Variants in SHPRH observed in about 807,000 individuals in gnomAD.
SHPRH encodes SNF2 histone linker PHD RING helicase.
SHPRH carries 106 observed loss-of-function variants against 202.5 expected under a neutral mutation model. That is an observed-to-expected ratio of 0.52 (90% CI 0.45 to 0.62). The LOEUF (loss-of-function observed/expected upper bound fraction) is 0.62, where lower values mean the gene tolerates loss of function less well. SHPRH is among the 20% of genes least tolerant of loss of function. The pLI is 0.00. For missense variants in SHPRH, 1,710 were observed against 2,020.0 expected (o/e 0.85, Z 2.94); for synonymous variants, 729 against 686.0 (o/e 1.06, Z -0.98).
chr6:145,958,991 C>A (rs1027354396), intron 1 of SHPRH, among the ~76,000 whole-genome samples: 1 of 152,106 alleles, frequency 6.6e-6, no homozygotes, highest in Non-Finnish European at 1.5e-5. Flanking sequence ...TGCCACTATG[C>A]CCAGCTAACT....
Position 145,895,049 on chromosome 6 carries a change from A to T in SHPRH, c.4516-72T>A, listed in dbSNP as rs1005015314. ...TAAGAACAGAATAGAAAAGCAATACAAAGTACTTTTTATTATCAAAACTAT... is the reference window on the plus strand; with the variant it reads ...TAAGAACAGAATAGAAAAGCAATACTAAGTACTTTTTATTATCAAAACTAT... On this transcript the variant is annotated intron_variant, in intron 25 of 29. Coordinates refer to ENST00000275233, the MANE Select transcript of SHPRH (RefSeq NM_001042683.3). The T allele has an allele frequency of 3.0e-6, 4 of 1,313,618 alleles. No homozygotes were observed. In the African/African-American group the frequency reaches 4.5e-5, roughly 15 times the overall value. 81.4% of individuals were successfully genotyped at this position (1,313,618 alleles called of 1,614,324 possible). A position where few individuals can be genotyped will look rare whatever the true frequency, so the allele number is the denominator to read the frequency against.
intron 25 of SHPRH, 109 bp downstream of exon 25, chr6:145,910,339 A>T: frequency 8.1e-7 from 1 of 1,231,830 alleles, no homozygotes; most frequent in Non-Finnish European, 1.2e-6. Flanking sequence ...AGTGGCGTCT[A>T]CCTATTCACT....
chr6:145,910,200 G>C (rs148699779), intron 25 of SHPRH: 8 of 382,156 alleles, frequency 2.1e-5, no homozygotes, highest in African/African-American at 6.0e-5. Context: ...GTAATTTTAA[G>C]ATGTTACATT....
downstream of SHPRH, among the ~76,000 whole-genome samples, chr6:145,860,430 A>C (rs1298172627): frequency 1.3e-5 from 2 of 152,080 alleles, no homozygotes; most frequent in Non-Finnish European, 2.9e-5. Context: ...ACTTAGAAAT[A>C]AACTCAACCA....
intron 7 of SHPRH, 73 bp from the exon 8 acceptor site, chr6:145,945,710 A>T (rs1463188552): frequency 1.4e-6 from 2 of 1,443,632 alleles, no homozygotes; most frequent in South Asian, 1.5e-5. Flanking sequence ...GGTTAATCTT[A>T]ATCTGCATGA....
In SHPRH at chr6:145,922,749, T is replaced by C. The variant is rs750026990; in HGVS notation, c.3633A>G (p.Val1211=). The change falls in exon 19 of 30, where the codon GTA becomes GTG. Residue 1211 remains valine (V), a synonymous_variant. Transcript: ENST00000275233. ...NKCQKLVREA[V]KNLEGPPSRN... ...GAGATGGAGGTCCCTCCAGGTTTTT[T>C]ACAGCCTCTCTTACTAGCTTCTGGC... 3 of 1,612,298 alleles carry C rather than the reference T, an allele frequency of 1.9e-6. No homozygotes were observed. In the East Asian group the frequency reaches 6.7e-5, roughly 36 times the overall value.
chr6:145,860,946 T>C (rs1042337263), downstream of SHPRH, among the ~76,000 whole-genome samples: 2 of 152,144 alleles, frequency 1.3e-5, no homozygotes, highest in East Asian at 3.9e-4. Context: ...AATATCCACA[T>C]GTAAAGCATG....
intron 4 of SHPRH, among the ~76,000 whole-genome samples, chr6:145,949,804 T>A (rs1354526641): frequency 6.6e-6 from 1 of 152,076 alleles, no homozygotes; most frequent in Non-Finnish European, 1.5e-5. Flanking sequence ...ACAGATGACA[T>A]TTTATTACTG....
At chr6:145,921,964 C>G (rs541370325) in intron 20 of SHPRH, among the ~76,000 whole-genome samples, 2 of 152,090 alleles carry the variant, frequency 1.3e-5, no homozygotes, top group East Asian at 3.9e-4. Context: ...ATTATGAGTT[C>G]TACCTTGAAT....
In SHPRH at chr6:145,915,779, A is replaced by G. The variant is rs534496074; in HGVS notation, c.4255-2230T>C. ...TTTTTCATTATTTTTGGTTTCCAGC[A>G]GTTTGACTATGATGTATCTAGGCAG... On this transcript the variant is annotated intron_variant, in intron 23 of 29. Coordinates refer to ENST00000275233, the MANE Select transcript of SHPRH (RefSeq NM_001042683.3). Among the ~76,000 whole-genome samples, 49 of 151,400 alleles carry G rather than the reference A, an allele frequency of 3.2e-4. 2 individuals are homozygous for G. Among genetic ancestry groups the G allele is most frequent in the South Asian group, 6.3e-4 (3 of 4,780 alleles).
intron 6 of SHPRH, among the ~76,000 whole-genome samples, chr6:145,946,766 C>T (rs1434150724): frequency 6.6e-6 from 1 of 151,690 alleles, no homozygotes; most frequent in Non-Finnish European, 1.5e-5. Flanking sequence ...ATTTTCTACT[C>T]AAATCTGAAA....
chr6:145,897,863 C>A (rs906214171), intron 25 of SHPRH, among the ~76,000 whole-genome samples: 1 of 152,012 alleles, frequency 6.6e-6, no homozygotes, highest in Non-Finnish European at 1.5e-5. Context: ...AAGGAATGTA[C>A]CTCAACACAG....
Position 145,943,655 on chromosome 6 carries a change from A to G in SHPRH, c.1726T>C (p.Leu576=), listed in dbSNP as rs763833093. 2 of 1,613,850 alleles carry G rather than the reference A, an allele frequency of 1.2e-6. No individual in the cohort carries two copies. The highest frequency in any genetic ancestry group is 1.7e-6 in the Non-Finnish European group (2 of 1,179,900). The change falls in exon 9 of 30, where the codon TTG becomes CTG. Residue 576 remains leucine, a synonymous_variant. Transcript: ENST00000275233. The part of the protein sequence containing the change: ...YYKSRRNRSK[L]RKKLVPSTKK... ...GTGGATGGAACAAGCTTTTTCCTCA[A>G]TTTACTGCGATTTCTCCTGGACTTA...
chr6:145,886,076 T>C lies in SHPRH; in HGVS notation c.*615A>G, dbSNP rs1780982677. 6.0e-6 allele frequency: 1 copy of C among 165,500 alleles called. No homozygotes were observed. Among genetic ancestry groups the C allele is most frequent in the Non-Finnish European group, 1.3e-5 (1 of 76,564 alleles). 10.3% of individuals were successfully genotyped at this position (165,500 alleles called of 1,614,324 possible). A position where few individuals can be genotyped will look rare whatever the true frequency, so the allele number is the denominator to read the frequency against. On this transcript the variant is annotated 3_prime_UTR_variant, in exon 30 of 30. Transcript: ENST00000275233. ...TTTACACATAATAGAAATATGAATA[T>C]TTTCATTGTTTTTGTTTTCAGTAGC...
chr6:145,928,744 T>A (rs530179128), intron 14 of SHPRH, among the ~76,000 whole-genome samples: 1 of 152,148 alleles, frequency 6.6e-6, no homozygotes, highest in South Asian at 2.1e-4. Flanking sequence ...ATAGCTCTTA[T>A]ACCATTGCTT....
intron 19 of SHPRH, 45 bp from the exon 20 acceptor site, chr6:145,922,393 C>T (rs1784503004): frequency 1.2e-5 from 19 of 1,525,912 alleles, no homozygotes; most frequent in South Asian, 8.7e-5. Flanking sequence ...ACATAACCAG[C>T]AATCTGGTAA....
intron 23 of SHPRH, chr6:145,917,465 G>A (rs1025263681): frequency 7.9e-5 from 12 of 152,178 alleles, no homozygotes; most frequent in African/African-American, 2.4e-4. Flanking sequence ...GAGATTTACT[G>A]ATTCACTTAA....
At chr6:145,880,879 AAG>A (rs1276766636), downstream of SHPRH, among the ~76,000 whole-genome samples, 2 of 152,130 alleles carry the variant, frequency 1.3e-5, no homozygotes, top group Non-Finnish European at 2.9e-5. Flanking sequence ...AGCATCCTAA[AAG>A]AGTTTCGAGT....
At chr6:145,873,206 G>T (rs1780135625) in intron 2 of SHPRH, among the ~76,000 whole-genome samples, 1 of 152,016 alleles carries the variant, frequency 6.6e-6, no homozygotes, top group Non-Finnish European at 1.5e-5. Context: ...AAAAAAAAAA[G>T]AGTGATTATG....
Sources: allele counts gnomAD v4.1 joint callset (sites outside exome capture counted in the v4.1 genomes callset), GRCh38; gene constraint gnomAD v4.1.1; transcripts MANE v1.5; gene names NCBI Gene and HGNC (gene_info 2026-07-23, HGNC 2026-07-21).